Variants in SNTG1 observed in about 807,000 individuals in gnomAD.
SNTG1 encodes gamma-1-syntrophin.
A neutral mutation model predicts 74.7 loss-of-function variants in SNTG1; 39 were observed. The ratio of observed to expected loss-of-function variants is 0.52; its 90% CI spans 0.40 to 0.68. The LOEUF (loss-of-function observed/expected upper bound fraction) is 0.68, where lower values mean the gene tolerates loss of function less well. Ranked by LOEUF, SNTG1 falls within the 30% of genes least tolerant of loss-of-function variation. The probability of loss-of-function intolerance (pLI) is 0.00; values close to 1 mark genes in which losing one functional copy is unlikely to be tolerated. For missense variants in SNTG1, 685 were observed against 609.5 expected (o/e 1.12, Z -1.30); for synonymous variants, 254 against 217.1 (o/e 1.17, Z -1.49).
At chr8:49,994,195 C>A (rs1813963903) in intron 1 of SNTG1, among the ~76,000 whole-genome samples, 1 of 151,108 alleles carries the variant, frequency 6.6e-6, no homozygotes, top group South Asian at 2.1e-4. Flanking sequence ...AAAATAAATT[C>A]TTCTTTCCTA....
At chr8:49,991,365 T>A (rs1474480161) in intron 1 of SNTG1, among the ~76,000 whole-genome samples, 1 of 152,118 alleles carries the variant, frequency 6.6e-6, no homozygotes, top group African/African-American at 2.4e-5. Flanking sequence ...GGTGCAGCCA[T>A]CTGTGAAAAC....
intron 1 of SNTG1, among the ~76,000 whole-genome samples, chr8:50,140,171 C>T (rs2081609821): frequency 6.6e-6 from 1 of 152,090 alleles, no homozygotes; most frequent in Non-Finnish European, 1.5e-5. Flanking sequence ...CTGTGTGATG[C>T]TGGAAATCAA....
chr8:50,303,617 G>C (rs1215356702), intron 2 of SNTG1, among the ~76,000 whole-genome samples: 2 of 151,976 alleles, frequency 1.3e-5, no homozygotes, highest in Non-Finnish European at 2.9e-5. Flanking sequence ...TTTTCAAATA[G>C]TAGGTGAATT....
intron 8 of SNTG1, among the ~76,000 whole-genome samples, chr8:50,502,020 C>T (rs7008976): frequency 0.4 from 61,275 of 151,546 alleles, 16,684 homozygotes; most frequent in African/African-American, 0.78. Context: ...TTAAAATTTG[C>T]ACATGGCTTA....
In SNTG1 at chr8:50,084,200, G is replaced by A. The variant is rs540212210; in HGVS notation, c.-102-88361G>A. Among the ~76,000 whole-genome samples, 4 of 152,262 alleles carry A rather than the reference G, an allele frequency of 2.6e-5. No individual in the cohort carries two copies. In the East Asian group the frequency reaches 5.8e-4, roughly 22 times the overall value. ...AAACTGGCCAGGCGCAGTGGCTCAC[G>A]CCTGTAATCCCAGCTCCTTGGGAAG... is the stretch of plus-strand genomic sequence containing the variant. On this transcript the variant is annotated intron_variant, in intron 1 of 18. Transcript: ENST00000642720.
intron 9 of SNTG1, among the ~76,000 whole-genome samples, chr8:50,516,897 C>G (rs578125897): frequency 6.6e-6 from 1 of 152,182 alleles, no homozygotes; most frequent in East Asian, 1.9e-4. Flanking sequence ...GAGAACTTCC[C>G]CTACATAGCA....
At position 50,618,909 on chromosome 8, in the gene SNTG1, GTA is replaced by G. The variant is rs796825918; in HGVS notation, c.849+28004_849+28005del. 6.0e-3 allele frequency among the ~76,000 whole-genome samples: 914 copies of G among 151,774 alleles called. 3 individuals carry two copies. Among genetic ancestry groups the G allele is most frequent in the African/African-American group, 0.018 (743 of 41,258 alleles). On this transcript the variant is annotated intron_variant, in intron 13 of 18. Transcript: ENST00000642720. ...TGTGTATATGTGTGTGTGTGTGTGT[GTA>G]TATATATATATGTCTATGTGTGTGT...
At chr8:49,928,260 C>T (rs1407625078) in intron 1 of SNTG1, among the ~76,000 whole-genome samples, 1 of 151,046 alleles carries the variant, frequency 6.6e-6, no homozygotes, top group Non-Finnish European at 1.5e-5. Context: ...CAGAGTCTAG[C>T]TCTGTCCCCC....
At position 50,582,679 on chromosome 8, in the gene SNTG1, A is replaced by AT. The variant is rs918479718; in HGVS notation, c.811-8192dup. 9.3e-4 allele frequency among the ~76,000 whole-genome samples: 142 copies of AT among 151,960 alleles called. 1 individual carries two copies. Among genetic ancestry groups the AT allele is most frequent in the Middle Eastern group, 3.4e-3 (1 of 292 alleles). Reference sequence around the variant, plus strand: ...AAAAACAGGAATTCAAGCATAACATATTTTTTTTATTGAATAAGTCTGGAG... The same window carrying AT: ...AAAAACAGGAATTCAAGCATAACATATTTTTTTTTATTGAATAAGTCTGGAG... On this transcript the variant is annotated intron_variant, in intron 12 of 18. Transcript: ENST00000642720.
At chr8:49,995,649 T>C (rs1328852516) in intron 1 of SNTG1, among the ~76,000 whole-genome samples, 1 of 152,202 alleles carries the variant, frequency 6.6e-6, no homozygotes, top group African/African-American at 2.4e-5. Context: ...AATACTGCAG[T>C]GAAAATGTTC....
chr8:50,291,058 G>A (rs1370824546), intron 2 of SNTG1, among the ~76,000 whole-genome samples: 1 of 152,130 alleles, frequency 6.6e-6, no homozygotes, highest in Non-Finnish European at 1.5e-5. Flanking sequence ...ATACATTTAT[G>A]TATTTATTCA....
At chr8:50,032,693 A>T (rs1817833029) in intron 1 of SNTG1, among the ~76,000 whole-genome samples, 1 of 152,144 alleles carries the variant, frequency 6.6e-6, no homozygotes, top group Non-Finnish European at 1.5e-5. Flanking sequence ...CAATGTCGAC[A>T]CTTTTCAGTT....
At position 50,702,985 on chromosome 8, in the gene SNTG1, C is replaced by T. The variant is rs184039134; in HGVS notation, c.1039-1615C>T. ...GGGCACTTACCATGAATGGAGTTTG[C>T]AGAATGGTAGTTGCTCTGGGTGAGT... On this transcript the variant is annotated intron_variant, in intron 15 of 18. Coordinates refer to ENST00000642720, the MANE Select transcript of SNTG1 (RefSeq NM_018967.5). Among the ~76,000 whole-genome samples, 330 of 151,888 alleles carry T rather than the reference C, an allele frequency of 2.2e-3. 2 individuals are homozygous for T. The highest frequency in any genetic ancestry group is 7.7e-3 in the African/African-American group (320 of 41,436).
intron 9 of SNTG1, 22 bp downstream of exon 9, chr8:50,502,902 A>G (rs2093975137): frequency 7.1e-6 from 11 of 1,539,116 alleles, no homozygotes; most frequent in Non-Finnish European, 9.9e-6. Context: ...TAAAGAATAG[A>G]TAAAAGTGCT....
intron 12 of SNTG1, among the ~76,000 whole-genome samples, chr8:50,555,149 T>A (rs1382961126): frequency 6.6e-6 from 1 of 152,194 alleles, no homozygotes; most frequent in African/African-American, 2.4e-5. Context: ...CTGCTTGTTT[T>A]TCATCCTTGT....
At chr8:50,068,843 G>A (rs1330047064) in intron 1 of SNTG1, among the ~76,000 whole-genome samples, 1 of 152,128 alleles carries the variant, frequency 6.6e-6, no homozygotes, top group East Asian at 1.9e-4. Flanking sequence ...CCCTGCTGCT[G>A]CTGTCTTGTC....
At chr8:50,567,207 C>A (rs1476575502) in intron 12 of SNTG1, among the ~76,000 whole-genome samples, 1 of 152,016 alleles carries the variant, frequency 6.6e-6, no homozygotes, top group Admixed American at 6.6e-5. Flanking sequence ...CAGTTTCCTC[C>A]TCTGTAAAAG....
At chr8:50,367,281 A>G (rs1315487660) in intron 2 of SNTG1, among the ~76,000 whole-genome samples, 2 of 152,044 alleles carry the variant, frequency 1.3e-5, no homozygotes, top group Admixed American at 1.3e-4. Flanking sequence ...GACCACCAAG[A>G]AGTCTACCAA....
At chr8:50,642,975 G>A (rs1056995478) in intron 13 of SNTG1, among the ~76,000 whole-genome samples, 1 of 152,110 alleles carries the variant, frequency 6.6e-6, no homozygotes, top group African/African-American at 2.4e-5. Context: ...AAGAAAAAAT[G>A]TTCAGGTTAC....
Sources: allele counts gnomAD v4.1 joint callset (sites outside exome capture counted in the v4.1 genomes callset), GRCh38; gene constraint gnomAD v4.1.1; transcripts MANE v1.5; gene names NCBI Gene and HGNC (gene_info 2026-07-23, HGNC 2026-07-21).